Variants in VKORC1L1 observed in about 807,000 individuals in gnomAD.
VKORC1L1 encodes the protein vitamin K epoxide reductase complex subunit 1L1.
In VKORC1L1, 2 loss-of-function variants were observed where a neutral mutation model predicts 18.9. The observed-to-expected ratio is 0.11, with a 90% CI of 0.04 to 0.33. The LOEUF (loss-of-function observed/expected upper bound fraction) is 0.33. Ranked by LOEUF, VKORC1L1 falls within the 10% of genes least tolerant of loss-of-function variation. The probability of loss-of-function intolerance (pLI) is 1.00; values close to 1 mark genes in which losing one functional copy is unlikely to be tolerated. For missense variants in VKORC1L1, 123 were observed against 224.1 expected (o/e 0.55, Z 2.88); for synonymous variants, 96 against 100.0 (o/e 0.96, Z 0.24).
At chr7:65,934,150 C>T (rs997784112) in intron 1 of VKORC1L1, among the ~76,000 whole-genome samples, 7 of 151,884 alleles carry the variant, frequency 4.6e-5, no homozygotes, top group African/African-American at 7.3e-5. Context: ...AATCCCAGCA[C>T]TTTGGGAGGC....
intron 1 of VKORC1L1, among the ~76,000 whole-genome samples, chr7:65,909,018 C>G (rs1789454996): frequency 6.7e-6 from 1 of 150,120 alleles, no homozygotes; most frequent in African/African-American, 2.4e-5. Flanking sequence ...GCCTGTAATC[C>G]CAGCACTTTG....
intron 1 of VKORC1L1, among the ~76,000 whole-genome samples, chr7:65,891,458 G>T (rs750285623): frequency 6.6e-6 from 1 of 151,732 alleles, no homozygotes; most frequent in Non-Finnish European, 1.5e-5. Context: ...TATGTTTTTC[G>T]GCCATTTGGA....
intron 1 of VKORC1L1, among the ~76,000 whole-genome samples, chr7:65,877,963 A>T (rs1788856598): frequency 1.3e-5 from 2 of 152,270 alleles, no homozygotes; most frequent in East Asian, 1.9e-4. Flanking sequence ...TGGTTGAAAA[A>T]GATCCACGTA....
intron 1 of VKORC1L1, among the ~76,000 whole-genome samples, chr7:65,928,152 C>T (rs1369915344): frequency 6.6e-6 from 1 of 151,576 alleles, no homozygotes; most frequent in African/African-American, 2.4e-5. Context: ...GTGATATTCA[C>T]TATTTGGTTT....
intron 1 of VKORC1L1, 81 bp downstream of exon 1, chr7:65,873,646 G>A: frequency 1.6e-6 from 2 of 1,282,246 alleles, no homozygotes; most frequent in Non-Finnish European, 2.0e-6. Flanking sequence ...CGCGGCGGGA[G>A]CTCAGGCCTG....
At chr7:65,933,481 A>G (rs1183426482) in intron 1 of VKORC1L1, among the ~76,000 whole-genome samples, 1 of 152,180 alleles carries the variant, frequency 6.6e-6, no homozygotes, top group Non-Finnish European at 1.5e-5. Context: ...AGTTTATACA[A>G]CATAAAGTTT....
intron 1 of VKORC1L1, among the ~76,000 whole-genome samples, chr7:65,941,673 G>GTTTTTTTTTT (rs57537567): frequency 1.2e-4 from 8 of 66,492 alleles, no homozygotes; most frequent in South Asian, 7.1e-4. Context: ...TTTTCTTAAG[G>GTTTTTTTTTT]TTTTTTTTTT....
At chr7:65,883,126 T>C (rs925461351) in intron 1 of VKORC1L1, among the ~76,000 whole-genome samples, 6 of 149,184 alleles carry the variant, frequency 4.0e-5, no homozygotes, top group African/African-American at 1.2e-4. Context: ...ATACATGTTA[T>C]ACATTTGAGC....
chr7:65,951,583 AAT>A (rs1554302351), intron 2 of VKORC1L1, among the ~76,000 whole-genome samples: 2 of 150,372 alleles, frequency 1.3e-5, no homozygotes, highest in African/African-American at 2.4e-5. Context: ...GGAAAAAAAA[AAT>A]ATATATATAT....
chr7:65,927,102 C>G (rs1020109008), intron 1 of VKORC1L1, among the ~76,000 whole-genome samples: 7 of 152,080 alleles, frequency 4.6e-5, no homozygotes, highest in African/African-American at 1.7e-4. Context: ...GCCTGGCCAA[C>G]ATGGTGAAAC....
At chr7:65,921,800 A>G (rs1323651423) in intron 1 of VKORC1L1, among the ~76,000 whole-genome samples, 2 of 151,746 alleles carry the variant, frequency 1.3e-5, no homozygotes, top group Non-Finnish European at 2.9e-5. Context: ...GTGAGCGGAG[A>G]TCATGCCACT....
At chr7:65,934,395 G>A (rs549617583) in intron 1 of VKORC1L1, among the ~76,000 whole-genome samples, 129 of 152,184 alleles carry the variant, frequency 8.5e-4, no homozygotes, top group Non-Finnish European at 1.6e-3. Flanking sequence ...GAGAACATTC[G>A]AAATTTATTC....
chr7:65,936,972 G>A (rs751681208), intron 1 of VKORC1L1, among the ~76,000 whole-genome samples: 4 of 152,118 alleles, frequency 2.6e-5, no homozygotes, highest in African/African-American at 4.8e-5. Flanking sequence ...AGGCTTTGAG[G>A]TGCCTGGACT....
At chr7:65,880,043 C>G (rs776359261) in intron 1 of VKORC1L1, among the ~76,000 whole-genome samples, 2 of 151,924 alleles carry the variant, frequency 1.3e-5, no homozygotes, top group East Asian at 3.9e-4. Flanking sequence ...TTCATAGTGA[C>G]GAGGTCTCAC....
At chr7:65,949,710 AG>A (rs1344872203) in intron 2 of VKORC1L1, among the ~76,000 whole-genome samples, 1 of 147,988 alleles carries the variant, frequency 6.8e-6, no homozygotes, top group African/African-American at 2.5e-5. Flanking sequence ...CTTGAGTCCA[AG>A]AGATGGAGGT....
chr7:65,887,772 T>C (rs537862132), intron 1 of VKORC1L1, among the ~76,000 whole-genome samples: 16 of 152,338 alleles, frequency 1.1e-4, no homozygotes, highest in African/African-American at 3.8e-4. Flanking sequence ...ATTGTAAGAA[T>C]GTATTGTGAT....
At chr7:65,886,625 C>T (rs1443655532) in intron 1 of VKORC1L1, among the ~76,000 whole-genome samples, 1 of 151,936 alleles carries the variant, frequency 6.6e-6, no homozygotes, top group African/African-American at 2.4e-5. Flanking sequence ...GCAACCTCCG[C>T]CTCCCGAGTT....
intron 1 of VKORC1L1, among the ~76,000 whole-genome samples, chr7:65,928,938 G>A (rs1398685790): frequency 1.3e-5 from 2 of 152,180 alleles, no homozygotes; most frequent in East Asian, 3.8e-4. Flanking sequence ...TCTGGTAGGT[G>A]TGTAGTGGTG....
intron 1 of VKORC1L1, among the ~76,000 whole-genome samples, chr7:65,894,699 G>A (rs1459086581): frequency 2.0e-5 from 3 of 152,186 alleles, no homozygotes; most frequent in Non-Finnish European, 2.9e-5. Context: ...CTGCACTCCA[G>A]CCTGGGCGAC....
Sources: gnomAD v4.1 joint callset for allele counts (sites outside exome capture counted in the v4.1 genomes callset) on GRCh38, gnomAD v4.1.1 for gene constraint, MANE v1.5 for transcripts, NCBI Gene and HGNC (gene_info 2026-07-23, HGNC 2026-07-21) for gene names.